Variants in HS6ST3 observed in about 807,000 individuals in gnomAD.
HS6ST3 encodes the protein heparan-sulfate 6-O-sulfotransferase 3.
Under a neutral mutation model 36.7 loss-of-function variants are expected in HS6ST3, and 12 were observed. The observed-to-expected ratio is 0.33, with a 90% CI of 0.21 to 0.53. The LOEUF is 0.53. Ranked by LOEUF, HS6ST3 falls within the 20% of genes least tolerant of loss-of-function variation. HS6ST3 has a pLI of 0.95. For missense variants in HS6ST3, 584 were observed against 640.9 expected (o/e 0.91, Z 0.96); for synonymous variants, 240 against 257.5 (o/e 0.93, Z 0.65).
rs541740125 is a variant in HS6ST3 at position 96,830,714 on chromosome 13, A to G, written c.708-1776A>G. 7.2e-5 allele frequency among the ~76,000 whole-genome samples: 11 copies of G among 152,238 alleles called. No individual in the cohort carries two copies. In the East Asian group the frequency reaches 2.1e-3, roughly 29 times the overall value. ...ACCAGCCTTGGTTCCTGGGCTCTCT[A>G]TTGCACCAAGACATTTGTACAGGTG... On this transcript the variant is annotated intron_variant, in intron 1 of 1. Transcript: ENST00000376705.
chr13:96,410,356 A>G (rs1311727421), intron 1 of HS6ST3, among the ~76,000 whole-genome samples: 1 of 152,142 alleles, frequency 6.6e-6, no homozygotes, highest in Non-Finnish European at 1.5e-5. Context: ...TGAACAAGCA[A>G]TTTTCCAAGG....
At position 96,137,653 on chromosome 13, in the gene HS6ST3, T is replaced by C. The variant is rs1473987754; in HGVS notation, c.707+46084T>C. The stretch of plus-strand genomic sequence containing the variant: ...TTCACCATGTTGGCCAGGCTGATCT[T>C]GAACTCCTGACCCATGATCCACCCA... On this transcript the variant is annotated intron_variant, in intron 1 of 1. Coordinates refer to ENST00000376705, the MANE Select transcript of HS6ST3 (RefSeq NM_153456.4). 2.0e-5 allele frequency among the ~76,000 whole-genome samples: 3 copies of C among 152,062 alleles called. No homozygotes were observed. In the South Asian group the frequency reaches 6.2e-4, roughly 32 times the overall value.
rs890939964 is a variant in HS6ST3, at chr13:96,770,966, A to G, written c.708-61524A>G. Among the ~76,000 whole-genome samples, 109 of 152,296 alleles carry G rather than the reference A, an allele frequency of 7.2e-4. 2 individuals are homozygous for G. Among genetic ancestry groups the G allele is most frequent in the African/African-American group, 2.5e-3 (102 of 41,562 alleles). On this transcript the variant is annotated intron_variant, in intron 1 of 1. Coordinates refer to ENST00000376705, the MANE Select transcript of HS6ST3 (RefSeq NM_153456.4). Reference sequence around the variant, plus strand: ...GGCCTCTTTTAAAAGAACACAGGGTATATATGTGTCACATTTTCTTAATCC... The same window carrying G: ...GGCCTCTTTTAAAAGAACACAGGGTGTATATGTGTCACATTTTCTTAATCC...
chr13:96,542,336 A>G (rs1321296007), intron 1 of HS6ST3, among the ~76,000 whole-genome samples: 2 of 152,222 alleles, frequency 1.3e-5, no homozygotes, highest in Non-Finnish European at 2.9e-5. Flanking sequence ...GAAATTGGGC[A>G]GTATGATAAT....
chr13:96,178,996 T>TA (rs2054226105), intron 1 of HS6ST3, among the ~76,000 whole-genome samples: 4 of 152,200 alleles, frequency 2.6e-5, no homozygotes, highest in Admixed American at 2.6e-4. Context: ...TAACATTTAC[T>TA]AAAACAACAC....
chr13:96,777,934 C>T (rs559199910), intron 1 of HS6ST3, among the ~76,000 whole-genome samples: 33 of 152,176 alleles, frequency 2.2e-4, no homozygotes, highest in Admixed American at 5.9e-4. Context: ...TACTACAAGG[C>T]GACAGTAACC....
At chr13:96,338,178 T>G (rs553530553) in intron 1 of HS6ST3, among the ~76,000 whole-genome samples, 72 of 152,320 alleles carry the variant, frequency 4.7e-4, no homozygotes, top group Non-Finnish European at 4.4e-5. Context: ...CAATGTTTGG[T>G]GGCCTCTGGC....
chr13:96,322,998 A>G lies in HS6ST3; in HGVS notation c.707+231429A>G, dbSNP rs570464479. ...GTGATTCTCCCCAGTCTTCCTCGCT[A>G]GTTCCCTTTCACCCCTTCAACCTCC... On this transcript the variant is annotated intron_variant, in intron 1 of 1. Coordinates refer to ENST00000376705, the MANE Select transcript of HS6ST3 (RefSeq NM_153456.4). 2.4e-4 allele frequency among the ~76,000 whole-genome samples: 36 copies of G among 152,152 alleles called. No homozygotes were observed. In the South Asian group the frequency reaches 7.3e-3, roughly 31 times the overall value.
chr13:96,164,290 C>T (rs2054150803), intron 1 of HS6ST3, among the ~76,000 whole-genome samples: 1 of 152,138 alleles, frequency 6.6e-6, no homozygotes, highest in South Asian at 2.1e-4. Context: ...TTTGCAGTAA[C>T]ATGCTGCTTT....
intron 1 of HS6ST3, among the ~76,000 whole-genome samples, chr13:96,471,796 A>G (rs1302218812): frequency 1.3e-5 from 2 of 152,190 alleles, no homozygotes; most frequent in Non-Finnish European, 2.9e-5. Context: ...AATCGTGCTT[A>G]TATTAGTCAG....
rs1878954491 is a variant in HS6ST3 at position 96,837,461 on chromosome 13, C to A, written c.*4263C>A. 1 of 152,168 alleles carries A rather than the reference C, an allele frequency of 6.6e-6. No homozygotes were observed. Among genetic ancestry groups the A allele is most frequent in the Non-Finnish European group, 1.5e-5 (1 of 68,030 alleles). 9.4% of individuals were successfully genotyped at this position (152,168 alleles called of 1,614,324 possible). ...TTATGAGCAAGAAAGTTGCTTAGAG[C>A]CCCAGCCTTTTGACTTCATAGTCTT... is the stretch of plus-strand genomic sequence containing the variant. On this transcript the variant is annotated 3_prime_UTR_variant, in exon 2 of 2. Coordinates refer to ENST00000376705, the MANE Select transcript of HS6ST3 (RefSeq NM_153456.4).
intron 1 of HS6ST3, among the ~76,000 whole-genome samples, chr13:96,229,943 A>T (rs781305857): frequency 3.9e-5 from 6 of 152,218 alleles, no homozygotes; most frequent in African/African-American, 1.4e-4. Context: ...TCAAAAGACA[A>T]GTAAGAAGTA....
chr13:96,470,097 T>C (rs2055833392), intron 1 of HS6ST3, among the ~76,000 whole-genome samples: 1 of 152,184 alleles, frequency 6.6e-6, no homozygotes, highest in Admixed American at 6.6e-5. Flanking sequence ...AACCCTGTAA[T>C]ACAGTAGTGC....
intron 1 of HS6ST3, among the ~76,000 whole-genome samples, chr13:96,480,613 G>A (rs2055886025): frequency 6.6e-6 from 1 of 152,132 alleles, no homozygotes; most frequent in African/African-American, 2.4e-5. Context: ...CTGCTTTGTT[G>A]TGAAAACAGC....
chr13:96,231,307 G>T (rs1452819300), intron 1 of HS6ST3, among the ~76,000 whole-genome samples: 1 of 152,156 alleles, frequency 6.6e-6, no homozygotes, highest in Non-Finnish European at 1.5e-5. Flanking sequence ...AAGTGATGCT[G>T]ATACTATAGT....
chr13:96,514,599 C>T (rs192938810), intron 1 of HS6ST3, among the ~76,000 whole-genome samples: 18 of 152,258 alleles, frequency 1.2e-4, no homozygotes, highest in East Asian at 1.9e-4. Context: ...AGCGAGAAGG[C>T]GGCTGCCGAC....
At chr13:96,811,982 G>C (rs1279573449) in intron 1 of HS6ST3, among the ~76,000 whole-genome samples, 2 of 152,140 alleles carry the variant, frequency 1.3e-5, no homozygotes, top group East Asian at 3.9e-4. Flanking sequence ...GAGCCTGAGG[G>C]ATGCCGGGGG....
chr13:96,456,810 G>A (rs926685853), intron 1 of HS6ST3, among the ~76,000 whole-genome samples: 11 of 151,964 alleles, frequency 7.2e-5, no homozygotes, highest in African/African-American at 2.7e-4. Context: ...AATAAGTCAT[G>A]GATTTTACTG....
At chr13:96,109,660 G>A (rs1014193666) in intron 1 of HS6ST3, among the ~76,000 whole-genome samples, 1 of 152,156 alleles carries the variant, frequency 6.6e-6, no homozygotes, top group African/African-American at 2.4e-5. Context: ...TGACTTTGAG[G>A]TATCAGGGAA....
Sources: gnomAD v4.1 joint callset for allele counts (sites outside exome capture counted in the v4.1 genomes callset) on GRCh38, gnomAD v4.1.1 for gene constraint, MANE v1.5 for transcripts, NCBI Gene and HGNC (gene_info 2026-07-23, HGNC 2026-07-21) for gene names.